The following ZBED6 variants were observed in gnomAD, a reference collection of about 807,000 sequenced individuals.
The protein encoded by ZBED6 is zinc finger BED domain-containing protein 6.
ZBED6 carries 40 observed loss-of-function variants against 58.4 expected under a neutral mutation model. The ratio of observed to expected loss-of-function variants is 0.68; its 90% CI spans 0.53 to 0.89. The LOEUF (loss-of-function observed/expected upper bound fraction) is 0.89, where lower values mean the gene tolerates loss of function less well. ZBED6 is among the 40% of genes least tolerant of loss of function. ZBED6 has a pLI of 0.00. For missense variants in ZBED6, 1,057 were observed against 1,003.9 expected, an observed-to-expected ratio of 1.05 and a Z score of -0.71; for synonymous variants, 439 against 350.6, an observed-to-expected ratio of 1.25 and a Z score of -2.82.
chr1:203,804,395 G>T (rs561931459), intron 1 of ZBED6, among the ~76,000 whole-genome samples: 1 of 151,520 alleles, frequency 6.6e-6, no homozygotes, highest in Non-Finnish European at 1.5e-5. Context: ...CTCGTGATCC[G>T]CCCGCCTCGG....
At chr1:203,828,403 T>C in exon 4 of ZBED6, 2 of 1,613,262 alleles carry the variant, frequency 1.2e-6, no homozygotes, top group Non-Finnish European at 1.7e-6. Flanking sequence ...TTGATGGCCT[T>C]TTCCTACCTC....
At chr1:203,839,743 AT>A (rs905966213) in intron 10 of ZBED6, among the ~76,000 whole-genome samples, 1 of 152,112 alleles carries the variant, frequency 6.6e-6, no homozygotes, top group Non-Finnish European at 1.5e-5. Flanking sequence ...TAACAAAATT[AT>A]TTCCTTTAAT....
chr1:203,834,518 G>A (rs891734839), intron 9 of ZBED6, among the ~76,000 whole-genome samples: 3 of 151,986 alleles, frequency 2.0e-5, no homozygotes, highest in Middle Eastern at 3.4e-3. Flanking sequence ...GTGATCTGTC[G>A]GCCTTGGCCT....
intron 8 of ZBED6, among the ~76,000 whole-genome samples, chr1:203,833,005 G>A (rs980231677): frequency 2.6e-5 from 4 of 151,934 alleles, no homozygotes; most frequent in East Asian, 1.9e-4. Context: ...AGGCTGAGGC[G>A]GGCGGATCGC....
At chr1:203,841,300 C>T (rs187447920) in intron 11 of ZBED6, among the ~76,000 whole-genome samples, 224 of 152,146 alleles carry the variant, frequency 1.5e-3, no homozygotes, top group African/African-American at 5.0e-3. Flanking sequence ...GAGGACCCTG[C>T]GGCCTTCTGC....
chr1:203,848,293 A>C, intron 12 of ZBED6, 38 bp from the exon 13 acceptor site: 1 of 1,548,984 alleles, frequency 6.5e-7, no homozygotes, highest in African/African-American at 1.4e-5. Flanking sequence ...GTTGCAGCTT[A>C]AATAAAATAA....
rs992596971 is a variant in ZBED6 at position 203,818,437 on chromosome 1, T to C, written c.*2754-133T>C. The C allele has an allele frequency of 6.8e-6, 8 of 1,175,222 alleles. No individual in the cohort carries two copies. The African/African-American group carries it at 1.2e-4, about 18-fold the overall frequency. 72.8% of individuals were successfully genotyped at this position (1,175,222 alleles called of 1,614,324 possible). A position where few individuals can be genotyped will look rare whatever the true frequency, so the allele number is the denominator to read the frequency against. ...CTCGGTTTGTTCCTGTCATTCCATG[T>C]CCATTGTTTTTTACCTTACCAGTCC... is the stretch of plus-strand genomic sequence containing the variant. On this transcript the variant is annotated intron_variant, in intron 2 of 16. Coordinates refer to ENST00000550078, the Ensembl canonical transcript of ZBED6.
intron 7 of ZBED6, among the ~76,000 whole-genome samples, chr1:203,831,144 A>C (rs1682212755): frequency 6.6e-6 from 1 of 151,728 alleles, no homozygotes; most frequent in South Asian, 2.1e-4. Context: ...GGGTTTCTCC[A>C]TGTTGGTTGG....
At chr1:203,828,527 G>T in intron 4 of ZBED6, 105 bp downstream of exon 4, 1 of 1,363,956 alleles carries the variant, frequency 7.3e-7, no homozygotes, top group East Asian at 2.5e-5. Context: ...TTGTGAAACA[G>T]CAGAATTATT....
chr1:203,799,069 T>C (rs1282963339), exon 1 of ZBED6: 2 of 1,536,156 alleles, frequency 1.3e-6, no homozygotes, highest in South Asian at 2.4e-5. Flanking sequence ...AATGGCAGGA[T>C]CCCCGATTTT....
chr1:203,842,195 G>T (rs1339604175), intron 11 of ZBED6, among the ~76,000 whole-genome samples: 2 of 151,574 alleles, frequency 1.3e-5, no homozygotes, highest in Admixed American at 1.3e-4. Context: ...TCCCAGACGG[G>T]GTGGCGGCCG....
chr1:203,850,104 TGGC>T lies in ZBED6; in HGVS notation c.*4638+79_*4638+81del, dbSNP rs1017489815. ...AACCCAATTGTTGCCAGTAACTTCC[TGGC>T]AACAATTGGGTTGAATTTCATTTGC... On this transcript the variant is annotated intron_variant, in intron 14 of 16. Transcript: ENST00000550078. The T allele has an allele frequency of 3.8e-6, 5 of 1,313,570 alleles. No individual in the cohort carries two copies. In the African/African-American group the frequency reaches 7.5e-5, roughly 20 times the overall value. The allele number at this position is 1,313,570 out of a possible 1,614,324, so 81.4% of individuals were successfully genotyped here.
exon 1 of ZBED6, chr1:203,798,544 A>G (rs1190553903): frequency 5.2e-6 from 8 of 1,536,152 alleles, no homozygotes; most frequent in Non-Finnish European, 7.0e-6. Context: ...GAGAGAAGTG[A>G]TCTCTTGAGT....
chr1:203,798,458 C>G, exon 1 of ZBED6: 1 of 1,536,068 alleles, frequency 6.5e-7, no homozygotes, highest in Non-Finnish European at 8.7e-7. Flanking sequence ...ACCTGCAAGC[C>G]ACACATCCTA....
intron 8 of ZBED6, among the ~76,000 whole-genome samples, chr1:203,833,539 A>AAAT (rs528391252): frequency 6.6e-6 from 1 of 151,476 alleles, no homozygotes; most frequent in African/African-American, 2.4e-5. Context: ...ATTATTATCA[A>AAAT]AATAATAATA....
chr1:203,816,798 CA>C (rs1572054264), intron 1 of ZBED6, 127 bp from the exon 2 acceptor site: 3 of 339,546 alleles, frequency 8.8e-6, no homozygotes, highest in Non-Finnish European at 1.6e-5. Flanking sequence ...AGTGTGTTTA[CA>C]AGGCTCTGTA....
At chr1:203,808,012 C>G (rs1672968893) in intron 1 of ZBED6, among the ~76,000 whole-genome samples, 1 of 152,002 alleles carries the variant, frequency 6.6e-6, no homozygotes, top group Non-Finnish European at 1.5e-5. Context: ...AAAGTGCTGG[C>G]ATTACGGATG....
intron 11 of ZBED6, among the ~76,000 whole-genome samples, chr1:203,844,003 A>G (rs577771467): frequency 9.2e-5 from 14 of 151,760 alleles, no homozygotes; most frequent in African/African-American, 3.1e-4. Flanking sequence ...GATTACAGGC[A>G]TGCGCTACCA....
chr1:203,849,781 A>G, exon 14 of ZBED6: 1 of 1,613,956 alleles, frequency 6.2e-7, no homozygotes, highest in Middle Eastern at 1.7e-4. Context: ...ATGAGAGAGA[A>G]GCACATGCAG....
Sources: gnomAD v4.1 joint callset for allele counts (sites outside exome capture counted in the v4.1 genomes callset) on GRCh38, gnomAD v4.1.1 for gene constraint, MANE v1.5 for transcripts, NCBI Gene and HGNC (gene_info 2026-07-23, HGNC 2026-07-21) for gene names.